SLF2: variants seen among roughly 807,000 people sequenced by gnomAD.
SLF2 encodes the protein SMC5/6 complex localization factor 2.
A neutral mutation model predicts 124.3 loss-of-function variants in SLF2; 68 were observed. The observed-to-expected ratio is 0.55, with a 90% CI of 0.45 to 0.67. SLF2 has a LOEUF of 0.67. Among genes scored for constraint, SLF2 ranks in the 30% least tolerant of loss-of-function variants. The probability of loss-of-function intolerance (pLI) is 0.00; values close to 1 mark genes in which losing one functional copy is unlikely to be tolerated. For missense variants in SLF2, 1,246 were observed against 1,373.7 expected (o/e 0.91, Z 1.47); for synonymous variants, 480 against 478.8 (o/e 1.00, Z -0.03).
At chr10:100,937,511 G>GTATTATTGGT (rs1564778076) in intron 10 of SLF2, 34 bp downstream of exon 10, 1 of 1,233,874 alleles carries the variant, frequency 8.1e-7, no homozygotes, top group Admixed American at 1.7e-5. Context: ...TTTACCGTGT[G>GTATTATTGGT]TATTATTGGT....
chr10:100,934,311 T>G (rs555070917), intron 9 of SLF2, among the ~76,000 whole-genome samples: 1 of 152,360 alleles, frequency 6.6e-6, no homozygotes, highest in East Asian at 1.9e-4. Context: ...CAATCTCAAC[T>G]GATAGACATT....
At position 100,962,879 on chromosome 10, in the gene SLF2, C is replaced by G. The variant is rs1181626068; in HGVS notation, c.*967C>G. The G allele has an allele frequency of 6.6e-6, 1 of 151,716 alleles. No homozygotes were observed. Among genetic ancestry groups the G allele is most frequent in the Non-Finnish European group, 1.5e-5 (1 of 67,902 alleles). 9.4% of individuals were successfully genotyped at this position (151,716 alleles called of 1,614,324 possible). ...TGTGTGTGTGTGTGTGCGCTTGTAT[C>G]TTGAAGTTGTTGCACTTCAAAACCA... On this transcript the variant is annotated 3_prime_UTR_variant, in exon 20 of 20. Transcript: ENST00000238961.
intron 17 of SLF2, among the ~76,000 whole-genome samples, chr10:100,952,800 G>A (rs1037226571): frequency 6.7e-6 from 1 of 149,180 alleles, no homozygotes; most frequent in Non-Finnish European, 1.5e-5. Context: ...TTAGCCGGGC[G>A]TGATGGTGGG....
intron 12 of SLF2, among the ~76,000 whole-genome samples, chr10:100,944,494 C>CAA (rs34072572): frequency 0.027 from 2,709 of 100,168 alleles, 79 homozygotes; most frequent in African/African-American, 0.031. Flanking sequence ...GACTCTGTCT[C>CAA]AAAAAAAAAA....
intron 19 of SLF2, among the ~76,000 whole-genome samples, chr10:100,960,833 C>A (rs1850413162): frequency 6.6e-6 from 1 of 151,130 alleles, no homozygotes; most frequent in Non-Finnish European, 1.5e-5. Flanking sequence ...TTTTTTAACA[C>A]CTGCTAGTAA....
intron 16 of SLF2, 80 bp from the exon 17 acceptor site, chr10:100,950,596 C>A (rs1850192633): frequency 2.4e-6 from 3 of 1,237,842 alleles, no homozygotes; most frequent in Admixed American, 1.9e-5. Flanking sequence ...CCTTCCTGGG[C>A]AATTTTCCTA....
intron 11 of SLF2, among the ~76,000 whole-genome samples, chr10:100,940,103 C>G (rs1024650155): frequency 6.6e-6 from 1 of 152,144 alleles, no homozygotes; most frequent in Non-Finnish European, 1.5e-5. Flanking sequence ...TTTAACATAC[C>G]TCCTACTTTA....
chr10:100,915,861 ATTG>A, intron 1 of SLF2, 135 bp from the exon 2 acceptor site: 3 of 663,018 alleles, frequency 4.5e-6, no homozygotes, highest in Non-Finnish European at 5.2e-6. Context: ...TTAGCAAAGC[ATTG>A]TTACCATTGT....
At chr10:100,959,684 T>C in intron 19 of SLF2, 188 bp downstream of exon 19, 1 of 1,096,856 alleles carries the variant, frequency 9.1e-7, no homozygotes, top group Non-Finnish European at 1.2e-6. Flanking sequence ...ATTCATTAAT[T>C]TATTTCCAGA....
At chr10:100,949,988 T>G (rs1158726199) in intron 15 of SLF2, 88 bp from the exon 16 acceptor site, 1 of 1,256,750 alleles carries the variant, frequency 8.0e-7, no homozygotes, top group African/African-American at 1.5e-5. Context: ...AAGGACAAAA[T>G]GAAAGAGTAC....
At chr10:100,957,549 C>T (rs529959600) in intron 18 of SLF2, among the ~76,000 whole-genome samples, 3 of 148,550 alleles carry the variant, frequency 2.0e-5, no homozygotes, top group East Asian at 3.9e-4. Context: ...TTAGTAGAGA[C>T]GGGGTTTCAC....
At chr10:100,956,343 A>C in intron 17 of SLF2, 108 bp from the exon 18 acceptor site, 1 of 777,580 alleles carries the variant, frequency 1.3e-6, no homozygotes, top group Non-Finnish European at 2.1e-6. Context: ...GTCATTGCTA[A>C]CAGGAATAAT....
intron 9 of SLF2, among the ~76,000 whole-genome samples, chr10:100,935,116 C>T (rs952399807): frequency 5.3e-5 from 8 of 151,844 alleles, no homozygotes; most frequent in Non-Finnish European, 1.0e-4. Context: ...TTATGTCAGG[C>T]GGGGCGTGAT....
chr10:100,913,926 T>A, intron 1 of SLF2: 1 of 952,848 alleles, frequency 1.0e-6, no homozygotes, highest in Non-Finnish European at 1.2e-6. Flanking sequence ...TAAATTGTAT[T>A]AAGTTTTAAC....
chr10:100,947,266 C>A, intron 14 of SLF2, 130 bp downstream of exon 14: 2 of 492,678 alleles, frequency 4.1e-6, no homozygotes, highest in East Asian at 7.0e-5. Context: ...TATTCAGTTG[C>A]GAGAAAAGGC....
intron 1 of SLF2, among the ~76,000 whole-genome samples, chr10:100,914,236 G>A (rs1849373802): frequency 6.6e-6 from 1 of 151,994 alleles, no homozygotes; most frequent in South Asian, 2.1e-4. Context: ...GATAAATTCA[G>A]AATTCTAAAA....
At position 100,950,225 on chromosome 10, in the gene SLF2, G is replaced by A. The variant is rs1850184875; in HGVS notation, c.3252+18G>A. The A allele has an allele frequency of 6.2e-7, 1 of 1,607,348 alleles. No homozygotes were observed. The highest frequency in any genetic ancestry group is 2.2e-5 in the East Asian group (1 of 44,770). On this transcript the variant is annotated intron_variant, in intron 16 of 19. Transcript: ENST00000238961. ...AAAAGCAGGTATCCAGTGCTAGAAG[G>A]TCTCAAAGAGTACATAGAAGCATAA...
At chr10:100,945,625 T>C (rs988907204) in intron 13 of SLF2, 119 bp downstream of exon 13, 1 of 778,096 alleles carries the variant, frequency 1.3e-6, no homozygotes, top group Admixed American at 4.2e-5. Context: ...AAAAATGAAC[T>C]GAGGAAGGGA....
chr10:100,932,413 A>T (rs1386852283), intron 9 of SLF2, among the ~76,000 whole-genome samples: 1 of 152,218 alleles, frequency 6.6e-6, no homozygotes. Context: ...ACAAAAAGGA[A>T]AAAAGTATCA....
Sources: allele counts gnomAD v4.1 joint callset (sites outside exome capture counted in the v4.1 genomes callset), GRCh38; gene constraint gnomAD v4.1.1; transcripts MANE v1.5; gene names NCBI Gene and HGNC (gene_info 2026-07-23, HGNC 2026-07-21).